The following CD36 variants were observed in gnomAD, a reference collection of about 807,000 sequenced individuals.
CD36 encodes CD36 molecule (CD36 blood group).
CD36 carries 119 observed loss-of-function variants against 55.2 expected under a neutral mutation model. The observed-to-expected ratio is 2.15, with a 90% confidence interval of 1.86 to 2.51. The LOEUF (loss-of-function observed/expected upper bound fraction) is 2.51. Among genes scored for constraint, CD36 ranks in the 30% most tolerant of loss-of-function variants. The probability of loss-of-function intolerance (pLI) is 0.00; values close to 1 mark genes in which losing one functional copy is unlikely to be tolerated. For missense variants in CD36, 819 were observed against 555.5 expected, an observed-to-expected ratio of 1.47 and a Z score of -4.77; for synonymous variants, 186 against 193.6, an observed-to-expected ratio of 0.96 and a Z score of 0.33.
chr7:80,671,027 TG>T lies in CD36; in HGVS notation c.870del (p.Tyr291IlefsTer38). The T allele has an allele frequency of 6.2e-7, 1 of 1,613,314 alleles. No individual in the cohort carries two copies. The highest frequency in any genetic ancestry group is 1.1e-5 in the South Asian group (1 of 91,054). ...GACGTTAATCTGAAAGGAATCCCTG[TG>T]TATAGATTTGTTCTTCCATCCAAGG... is the stretch of plus-strand genomic sequence containing the variant. Reference protein sequence around the residue: ...ESDVNLKGIPVYRFVLPSKAF... With the variant: ...ESDVNLKGIPXYRFVLPSKAF... On this transcript the variant is annotated frameshift_variant, in exon 10 of 15. Coordinates refer to ENST00000447544, the MANE Select transcript of CD36 (RefSeq NM_001001548.3). LOFTEE classifies it high-confidence loss of function.
chr7:80,605,991 C>T (rs1490425585), intron 1 of CD36, among the ~76,000 whole-genome samples: 2 of 152,152 alleles, frequency 1.3e-5, no homozygotes, highest in Admixed American at 6.5e-5. Flanking sequence ...GGTAATGGAG[C>T]TATTCCATTT....
chr7:80,679,218 A>C lies in CD36; in HGVS notation c.*2835A>C, dbSNP rs57346557. ...ATACTGCTTTTTCCTTTTGTGGCTC[A>C]AAGGTAGCTGCATTTTAAAATATTT... On this transcript the variant is annotated 3_prime_UTR_variant, in exon 15 of 15. Coordinates refer to ENST00000447544, the MANE Select transcript of CD36 (RefSeq NM_001001548.3). 177 of 152,268 alleles carry C rather than the reference A, an allele frequency of 1.2e-3. No homozygotes were observed. Among genetic ancestry groups the C allele is most frequent in the African/African-American group, 4.0e-3 (166 of 41,552 alleles). The allele number at this position is 152,268 out of a possible 1,614,324, so 9.4% of individuals were successfully genotyped here. A position where few individuals can be genotyped will look rare whatever the true frequency, so the allele number is the denominator to read the frequency against.
At chr7:80,636,914 C>G (rs539316563), upstream of CD36, 2 of 152,092 alleles carry the variant, frequency 1.3e-5, no homozygotes, top group Non-Finnish European at 2.9e-5. Context: ...AAATTTGATT[C>G]TTTGGACTGC....
chr7:80,618,571 C>T (rs34506573), intron 1 of CD36, among the ~76,000 whole-genome samples: 3,415 of 152,120 alleles, frequency 0.022, 77 homozygotes, highest in African/African-American at 0.06. Context: ...AAAGTGCTAC[C>T]CCAGTGAACA....
intron 1 of CD36, among the ~76,000 whole-genome samples, chr7:80,604,566 AC>A (rs922759301): frequency 1.3e-5 from 2 of 151,048 alleles, no homozygotes. Flanking sequence ...ATACTCAGAG[AC>A]CTTTGTCACA....
intron 1 of CD36, among the ~76,000 whole-genome samples, chr7:80,605,664 G>A (rs1397671377): frequency 1.3e-5 from 2 of 152,120 alleles, no homozygotes; most frequent in African/African-American, 2.4e-5. Flanking sequence ...TAAAATATCT[G>A]TAGTATGGAC....
intron 6 of CD36, among the ~76,000 whole-genome samples, chr7:80,664,018 C>T (rs1322307996): frequency 6.6e-6 from 1 of 151,954 alleles, no homozygotes; most frequent in Non-Finnish European, 1.5e-5. Context: ...TTAGTAACCA[C>T]TTATTATCAT....
chr7:80,610,768 T>C (rs2115766193), intron 1 of CD36, among the ~76,000 whole-genome samples: 1 of 152,116 alleles, frequency 6.6e-6, no homozygotes, highest in Non-Finnish European at 1.5e-5. Context: ...TAGAGACTGG[T>C]TTCACTGTGT....
intron 1 of CD36, among the ~76,000 whole-genome samples, chr7:80,614,791 T>A (rs1280960062): frequency 4.6e-5 from 7 of 152,188 alleles, no homozygotes; most frequent in African/African-American, 1.7e-4. Context: ...GGTGCCCTTG[T>A]TATTTGCTCT....
At chr7:80,602,828 G>T (rs1792316584) in intron 1 of CD36, among the ~76,000 whole-genome samples, 1 of 151,964 alleles carries the variant, frequency 6.6e-6, no homozygotes, top group South Asian at 2.1e-4. Flanking sequence ...CTTCCAACTT[G>T]GAAAAAATAT....
At chr7:80,667,429 CAAAA>C (rs564416939) in intron 8 of CD36, among the ~76,000 whole-genome samples, 10 of 82,406 alleles carry the variant, frequency 1.2e-4, no homozygotes, top group Non-Finnish European at 2.3e-4. Context: ...GACCCTGTCT[CAAAA>C]AAAAAAAAAA....
In CD36 at chr7:80,661,076, G is replaced by A; in HGVS notation, c.295G>A (p.Ala99Thr). 6.2e-7 allele frequency: 1 copy of A among 1,613,618 alleles called. No homozygotes were observed. The highest frequency in any genetic ancestry group is 8.5e-7 in the Non-Finnish European group (1 of 1,179,596). ...CTATTTCTTTAGAGTTCGTTTTCTA[G>A]CCAAGGAAAATGTAACCCAGGACGC... ...GPYTYRVRFL[A>T]KENVTQDAED... The change falls in exon 5 of 15, where the codon GCC (alanine) becomes ACC (threonine). Residue 99 changes from alanine to threonine, a missense_variant. Ala to Thr is a moderately conservative substitution (Grantham distance 58). Coordinates refer to ENST00000447544, the MANE Select transcript of CD36 (RefSeq NM_001001548.3).
At chr7:80,640,955 A>C (rs1794770882) in intron 1 of CD36, among the ~76,000 whole-genome samples, 2 of 152,216 alleles carry the variant, frequency 1.3e-5, no homozygotes, top group East Asian at 3.9e-4. Context: ...GATAGGATAG[A>C]AATGGACATG....
intron 1 of CD36, among the ~76,000 whole-genome samples, chr7:80,641,870 A>G (rs995868957): frequency 6.6e-6 from 1 of 151,860 alleles, no homozygotes; most frequent in Admixed American, 6.6e-5. Flanking sequence ...CTCTGTTTCT[A>G]CTGGGTTCCC....
At chr7:80,602,495 G>T (rs1434649416) in intron 1 of CD36, 1 of 152,076 alleles carries the variant, frequency 6.6e-6, no homozygotes. Flanking sequence ...ATTATTATCT[G>T]ATATAATAGT....
Position 80,666,784 on chromosome 7 carries a change from AC to A in CD36, c.748+296del, listed in dbSNP as rs1797133376. ...AGAAGTAAATGGTAAAAAACAAACA[AC>A]AACACAAAACACTTTAGTTACATTT... On this transcript the variant is annotated intron_variant, in intron 8 of 14. Coordinates refer to ENST00000447544, the MANE Select transcript of CD36 (RefSeq NM_001001548.3). Among the ~76,000 whole-genome samples the A allele has an allele frequency of 2.0e-5, 3 of 152,378 alleles. No homozygotes were observed. In the South Asian group the frequency reaches 6.2e-4, roughly 32 times the overall value.
At chr7:80,648,816 C>T (rs904818297) in intron 3 of CD36, among the ~76,000 whole-genome samples, 4 of 151,952 alleles carry the variant, frequency 2.6e-5, no homozygotes, top group Non-Finnish European at 5.9e-5. Flanking sequence ...TTTTGAAAGT[C>T]TCAAATAACT....
chr7:80,615,443 C>A (rs774004911), intron 1 of CD36, among the ~76,000 whole-genome samples: 3 of 152,134 alleles, frequency 2.0e-5, no homozygotes, highest in Non-Finnish European at 4.4e-5. Context: ...ATATCACTTC[C>A]TTTTTGCCTC....
At chr7:80,638,165 T>G (rs1427480973), upstream of CD36, among the ~76,000 whole-genome samples, 1 of 151,978 alleles carries the variant, frequency 6.6e-6, no homozygotes, top group African/African-American at 2.4e-5. Flanking sequence ...TTCAGAATTA[T>G]TAGTCTCACA....
Sources: gnomAD v4.1 joint callset for allele counts (sites outside exome capture counted in the v4.1 genomes callset) on GRCh38, gnomAD v4.1.1 for gene constraint, MANE v1.5 for transcripts, NCBI Gene and HGNC (gene_info 2026-07-23, HGNC 2026-07-21) for gene names.